The following PCNX2 variants were observed in gnomAD, a reference collection of about 807,000 sequenced individuals.
PCNX2 encodes the protein pecanex 2.
PCNX2 carries 168 observed loss-of-function variants against 223.8 expected under a neutral mutation model. The ratio of observed to expected loss-of-function variants is 0.75; its 90% CI spans 0.66 to 0.85. The LOEUF is 0.85. Ranked by LOEUF, PCNX2 falls within the 40% of genes least tolerant of loss-of-function variation. The pLI is 0.00. For missense variants in PCNX2, 2,507 were observed against 2,675.5 expected, an observed-to-expected ratio of 0.94 and a Z score of 1.39; for synonymous variants, 1,006 against 1,052.6, an observed-to-expected ratio of 0.96 and a Z score of 0.86.
intron 8 of PCNX2, 105 bp from the exon 9 acceptor site, chr1:233,237,085 G>T: frequency 7.1e-7 from 1 of 1,410,102 alleles, no homozygotes. Flanking sequence ...AGCAGGTAGT[G>T]GATGAGACTT....
At chr1:233,299,853 C>T (rs2103037149), upstream of PCNX2, among the ~76,000 whole-genome samples, 1 of 152,238 alleles carries the variant, frequency 6.6e-6, no homozygotes, top group South Asian at 2.1e-4. Flanking sequence ...GAAAGGGAGG[C>T]CAGAGTGCTC....
chr1:233,212,260 T>C (rs1303634843), intron 12 of PCNX2, among the ~76,000 whole-genome samples: 1 of 152,150 alleles, frequency 6.6e-6, no homozygotes, highest in Non-Finnish European at 1.5e-5. Flanking sequence ...ATCCACACTT[T>C]GTATATACAA....
At chr1:233,230,299 A>C (rs1657987451) in intron 9 of PCNX2, among the ~76,000 whole-genome samples, 1 of 152,172 alleles carries the variant, frequency 6.6e-6, no homozygotes, top group African/African-American at 2.4e-5. Flanking sequence ...CATTCCCTGG[A>C]GTGCATCAAC....
intron 15 of PCNX2, among the ~76,000 whole-genome samples, chr1:233,192,691 G>A (rs1193593819): frequency 2.0e-5 from 3 of 151,880 alleles, no homozygotes; most frequent in South Asian, 2.1e-4. Flanking sequence ...TATGAAGGTC[G>A]AATAATATGA....
At chr1:233,006,282 C>T (rs946706921) in intron 28 of PCNX2, among the ~76,000 whole-genome samples, 3 of 151,018 alleles carry the variant, frequency 2.0e-5, no homozygotes, top group Admixed American at 6.6e-5. Flanking sequence ...GCTGTAACTG[C>T]GCTACTCGGC....
In PCNX2 at chr1:233,285,111, G is replaced by A. The variant is rs898346213; in HGVS notation, c.153+10215C>T. The A allele has an allele frequency of 1.0e-5, 7 of 699,182 alleles. No homozygotes were observed. The East Asian group carries it at 4.0e-4, about 40-fold the overall frequency. The allele number at this position is 699,182 out of a possible 1,614,324, so 43.3% of individuals were successfully genotyped here. A position where few individuals can be genotyped will look rare whatever the true frequency, so the allele number is the denominator to read the frequency against. On this transcript the variant is annotated intron_variant, in intron 1 of 33. Transcript: ENST00000258229. ...TTCACGCCTGTAATCCCAACACTTC[G>A]GGAGGCCAAAGTGAGAGGATTGCTT...
the PCNX2 span, among the ~76,000 whole-genome samples, chr1:233,307,040 A>T: frequency 1.1e-4 from 16 of 152,222 alleles, no homozygotes; most frequent in African/African-American, 3.6e-4. Flanking sequence ...GTAATCCAAT[A>T]AAAAATAGAT....
intron 15 of PCNX2, among the ~76,000 whole-genome samples, chr1:233,179,752 T>A (rs1316898787): frequency 1.3e-5 from 2 of 152,226 alleles, no homozygotes; most frequent in Non-Finnish European, 2.9e-5. Context: ...CCCAGTTAGT[T>A]GCTTTGGCTT....
intron 19 of PCNX2, among the ~76,000 whole-genome samples, chr1:233,150,437 A>G (rs1677729744): frequency 6.6e-6 from 1 of 152,372 alleles, no homozygotes; most frequent in South Asian, 2.1e-4. Context: ...AATTTCTCAA[A>G]GAAATACAAG....
At chr1:233,191,997 A>G (rs955889408) in intron 15 of PCNX2, among the ~76,000 whole-genome samples, 1 of 152,130 alleles carries the variant, frequency 6.6e-6, no homozygotes, top group Non-Finnish European at 1.5e-5. Context: ...CATCAATAAG[A>G]CATTTTCCCT....
At chr1:233,214,009 A>G (rs1308507654) in intron 12 of PCNX2, among the ~76,000 whole-genome samples, 4 of 151,338 alleles carry the variant, frequency 2.6e-5, no homozygotes, top group Non-Finnish European at 4.4e-5. Context: ...TTGTATTTTT[A>G]GTAGAGACGG....
chr1:233,235,455 G>C (rs1167164858), intron 9 of PCNX2, among the ~76,000 whole-genome samples: 1 of 151,676 alleles, frequency 6.6e-6, no homozygotes, highest in East Asian at 1.9e-4. Context: ...CTGGCAACTG[G>C]CACTTTTAAG....
At chr1:233,164,361 T>TA (rs145317939) in intron 17 of PCNX2, among the ~76,000 whole-genome samples, 1,808 of 152,174 alleles carry the variant, frequency 0.012, 20 homozygotes, top group Non-Finnish European at 0.017. Context: ...CTACAGCCAT[T>TA]ATAGAAAGCA....
intron 20 of PCNX2, among the ~76,000 whole-genome samples, chr1:233,136,324 A>T (rs1676798265): frequency 6.6e-6 from 1 of 152,194 alleles, no homozygotes; most frequent in East Asian, 1.9e-4. Flanking sequence ...AGAATCTTGG[A>T]CTCAGGAACC....
chr1:233,007,304 T>C (rs1376161268), intron 28 of PCNX2, among the ~76,000 whole-genome samples: 1 of 151,880 alleles, frequency 6.6e-6, no homozygotes, highest in East Asian at 1.9e-4. Flanking sequence ...TTCCATTCCA[T>C]AGGCTCCTCT....
chr1:233,303,233 C>G, the PCNX2 span, among the ~76,000 whole-genome samples: 2 of 151,992 alleles, frequency 1.3e-5, no homozygotes, highest in African/African-American at 4.8e-5. Context: ...AGTGAGAAAT[C>G]AAAGATCATT....
intron 12 of PCNX2, among the ~76,000 whole-genome samples, chr1:233,212,545 T>C (rs1284612532): frequency 6.6e-6 from 1 of 152,216 alleles, no homozygotes; most frequent in Non-Finnish European, 1.5e-5. Flanking sequence ...GCAGATGCAG[T>C]TGTCCAGGGA....
At chr1:233,273,399 C>A (rs986271000) in intron 1 of PCNX2, among the ~76,000 whole-genome samples, 1 of 151,964 alleles carries the variant, frequency 6.6e-6, no homozygotes, top group African/African-American at 2.4e-5. Flanking sequence ...GATCCCTGTG[C>A]AAGCTCCATG....
In PCNX2 at chr1:233,202,733, G is replaced by A. The variant is rs1409473180; in HGVS notation, c.2864-2469C>T. On this transcript the variant is annotated intron_variant, in intron 13 of 33. Transcript: ENST00000258229. ...CAAAGTTACAGTCTCCGTTATTGAAGATGCATTATTTTTGGCAGGGATTTA... is the reference window on the plus strand; with the variant it reads ...CAAAGTTACAGTCTCCGTTATTGAAAATGCATTATTTTTGGCAGGGATTTA... Among the ~76,000 whole-genome samples, 2 of 152,262 alleles carry A rather than the reference G, an allele frequency of 1.3e-5. 1 individual carries two copies. Among genetic ancestry groups the A allele is most frequent in the South Asian group, 4.1e-4 (2 of 4,826 alleles).
Sources: allele counts gnomAD v4.1 joint callset (sites outside exome capture counted in the v4.1 genomes callset), GRCh38; gene constraint gnomAD v4.1.1; transcripts MANE v1.5; gene names NCBI Gene and HGNC (gene_info 2026-07-23, HGNC 2026-07-21).